The following SEMA6D variants were observed in gnomAD, a reference collection of about 807,000 sequenced individuals.
The protein encoded by SEMA6D is semaphorin-6D.
In SEMA6D, 35 loss-of-function variants were observed where a neutral mutation model predicts 106.6. The ratio of observed to expected loss-of-function variants is 0.33; its 90% confidence interval spans 0.25 to 0.44. SEMA6D has a LOEUF of 0.44. Ranked by LOEUF, SEMA6D falls within the 20% of genes least tolerant of loss-of-function variation. The pLI, the probability that SEMA6D is intolerant of heterozygous loss-of-function variation, is 1.00. For synonymous variants in SEMA6D, 499 were observed against 487.7 expected (o/e 1.02, Z -0.31); for missense variants, 1,185 against 1,345.9 (o/e 0.88, Z 1.87).
At chr15:47,497,572 C>T (rs1268121083) in intron 3 of SEMA6D, among the ~76,000 whole-genome samples, 1 of 152,072 alleles carries the variant, frequency 6.6e-6, no homozygotes, top group African/African-American at 2.4e-5. Context: ...GTAGATTAAT[C>T]AATTCTGTTG....
chr15:47,204,490 C>T (rs1033236358), intron 1 of SEMA6D, among the ~76,000 whole-genome samples: 16 of 152,150 alleles, frequency 1.1e-4, no homozygotes, highest in Admixed American at 3.9e-4. Flanking sequence ...TGTTTAATAA[C>T]GACCATGTTT....
intron 1 of SEMA6D, among the ~76,000 whole-genome samples, chr15:47,749,600 C>T (rs1007557803): frequency 7.2e-5 from 11 of 152,130 alleles, no homozygotes; most frequent in Admixed American, 5.9e-4. Flanking sequence ...ACCTATGCTC[C>T]GCAGGAAATT....
chr15:47,343,127 A>G (rs1341771617), intron 1 of SEMA6D, among the ~76,000 whole-genome samples: 1 of 151,992 alleles, frequency 6.6e-6, no homozygotes, highest in Non-Finnish European at 1.5e-5. Context: ...TTTAATCCCT[A>G]TTATAGGGCT....
chr15:47,270,663 A>T (rs946520898), intron 1 of SEMA6D, among the ~76,000 whole-genome samples: 1 of 152,170 alleles, frequency 6.6e-6, no homozygotes, highest in African/African-American at 2.4e-5. Context: ...CTATTTAGCA[A>T]TTCATCTATG....
At chr15:47,337,372 G>A (rs2037610160) in intron 1 of SEMA6D, among the ~76,000 whole-genome samples, 2 of 152,166 alleles carry the variant, frequency 1.3e-5, no homozygotes, top group South Asian at 4.1e-4. Flanking sequence ...TTCCCTGGTG[G>A]AAAGGCCCTG....
intron 3 of SEMA6D, among the ~76,000 whole-genome samples, chr15:47,497,084 A>G (rs1567121490): frequency 2.6e-5 from 4 of 152,126 alleles, no homozygotes; most frequent in Admixed American, 2.0e-4. Context: ...CCACAATCCT[A>G]TAATTTTCTG....
At chr15:47,348,925 C>T (rs1333823816) in intron 1 of SEMA6D, among the ~76,000 whole-genome samples, 1 of 152,008 alleles carries the variant, frequency 6.6e-6, no homozygotes, top group Non-Finnish European at 1.5e-5. Flanking sequence ...AACATGATTA[C>T]AGAAATTAGA....
intron 11 of SEMA6D, 144 bp from the exon 12 acceptor site, chr15:47,764,494 G>T: frequency 7.9e-7 from 1 of 1,268,284 alleles, no homozygotes; most frequent in East Asian, 2.4e-5. Context: ...ATTGAATTCA[G>T]GGGCATAGCA....
chr15:47,688,944 G>A (rs543077632), intron 4 of SEMA6D, among the ~76,000 whole-genome samples: 3 of 152,318 alleles, frequency 2.0e-5, no homozygotes, highest in African/African-American at 7.2e-5. Context: ...ATGGGCCATC[G>A]TGCAAGTTGG....
intron 4 of SEMA6D, among the ~76,000 whole-genome samples, chr15:47,688,899 A>G (rs1368671031): frequency 1.3e-5 from 2 of 152,224 alleles, no homozygotes; most frequent in Non-Finnish European, 2.9e-5. Context: ...CTGTTTAAAA[A>G]ATGAGGGCTT....
chr15:47,755,959 T>C (rs1248026730), intron 1 of SEMA6D, among the ~76,000 whole-genome samples: 1 of 152,008 alleles, frequency 6.6e-6, no homozygotes, highest in Non-Finnish European at 1.5e-5. Context: ...TCCATGTACC[T>C]CCCTTCTCCC....
intron 1 of SEMA6D, among the ~76,000 whole-genome samples, chr15:47,267,329 A>C (rs191671507): frequency 6.4e-4 from 97 of 151,598 alleles, no homozygotes; most frequent in Non-Finnish European, 1.1e-3. Flanking sequence ...TTCTACTTGG[A>C]AGTAACTTTA....
chr15:47,576,706 G>A (rs187939471), intron 3 of SEMA6D, among the ~76,000 whole-genome samples: 2 of 152,202 alleles, frequency 1.3e-5, no homozygotes, highest in Admixed American at 6.5e-5. Context: ...CCTTGGACCC[G>A]GGCTAGGCAC....
chr15:47,760,906 A>G, intron 3 of SEMA6D, 72 bp from the exon 4 acceptor site: 6 of 1,365,326 alleles, frequency 4.4e-6, no homozygotes, highest in South Asian at 1.3e-5. Context: ...CAGATCTGTA[A>G]AAATAAAAAA....
At chr15:47,562,908 A>T (rs1386638998) in intron 3 of SEMA6D, among the ~76,000 whole-genome samples, 1 of 152,174 alleles carries the variant, frequency 6.6e-6, no homozygotes, top group Non-Finnish European at 1.5e-5. Context: ...TATTCACAAT[A>T]GCCAAAGATT....
chr15:47,344,894 GT>G (rs1762185478), intron 1 of SEMA6D, among the ~76,000 whole-genome samples: 2 of 152,060 alleles, frequency 1.3e-5, no homozygotes, highest in Admixed American at 6.6e-5. Flanking sequence ...GTCCAATTAC[GT>G]TTTTGTATAC....
At chr15:47,392,269 TC>T (rs372121660) in intron 1 of SEMA6D, among the ~76,000 whole-genome samples, 1,817 of 152,086 alleles carry the variant, frequency 0.012, 43 homozygotes, top group African/African-American at 0.042. Flanking sequence ...AATAATGGCC[TC>T]CCCCCGCCAA....
At chr15:47,364,481 C>A (rs1161647137) in intron 1 of SEMA6D, among the ~76,000 whole-genome samples, 1 of 152,174 alleles carries the variant, frequency 6.6e-6, no homozygotes, top group Non-Finnish European at 1.5e-5. Flanking sequence ...GGTCAACATG[C>A]AAGATGCTGG....
intron 1 of SEMA6D, among the ~76,000 whole-genome samples, chr15:47,242,831 T>G (rs1225510026): frequency 6.6e-6 from 1 of 152,150 alleles, no homozygotes; most frequent in African/African-American, 2.4e-5. Flanking sequence ...ACATTACATT[T>G]TAGTACATAA....
Sources: allele counts gnomAD v4.1 joint callset (sites outside exome capture counted in the v4.1 genomes callset), GRCh38; gene constraint gnomAD v4.1.1; transcripts MANE v1.5; gene names NCBI Gene and HGNC (gene_info 2026-07-23, HGNC 2026-07-21).